The following CFH variants were observed in gnomAD, a reference collection of about 807,000 sequenced individuals.
The protein encoded by CFH is H factor 1 (complement).
A neutral mutation model predicts 147.3 loss-of-function variants in CFH; 53 were observed. The ratio of observed to expected loss-of-function variants is 0.36; its 90% CI spans 0.29 to 0.45. The LOEUF (loss-of-function observed/expected upper bound fraction) is 0.45, where lower values mean the gene tolerates loss of function less well. Ranked by LOEUF, CFH falls within the 20% of genes least tolerant of loss-of-function variation. CFH has a pLI of 1.00. For synonymous variants in CFH, 536 were observed against 489.4 expected, an observed-to-expected ratio of 1.10 and a Z score of -1.26; for missense variants, 1,380 against 1,498.0, an observed-to-expected ratio of 0.92 and a Z score of 1.30.
Position 196,690,194 on chromosome 1 carries a change from T to A in CFH, c.1291T>A (p.Cys431Ser), listed in dbSNP as rs121913056. Reference sequence around the variant, plus strand: ...TCCAAAAGCGCAGACCACAGTTACATGTATGGAGAATGGCTGGTCTCCTAC... The same window carrying A: ...TCCAAAAGCGCAGACCACAGTTACAAGTATGGAGAATGGCTGGTCTCCTAC... ...ALPKAQTTVT[C>S]MENGWSPTPR... The change falls in exon 9 of 22, where the codon TGT (cysteine) becomes AGT (serine). Residue 431 changes from cysteine to serine, a missense_variant. Transcript: ENST00000367429. The A allele has an allele frequency of 1.2e-6, 2 of 1,613,448 alleles. No homozygotes were observed. The highest frequency in any genetic ancestry group is 1.1e-5 in the South Asian group (1 of 91,084).
intron 9 of CFH, among the ~76,000 whole-genome samples, chr1:196,709,427 C>T (rs182546918): frequency 2.6e-4 from 40 of 152,172 alleles, no homozygotes; most frequent in Non-Finnish European, 3.7e-4. Context: ...TCCTGACTCT[C>T]TCTCTGTGCC....
At chr1:196,726,145 A>G (rs113327788) in intron 12 of CFH, among the ~76,000 whole-genome samples, 43 of 152,276 alleles carry the variant, frequency 2.8e-4, no homozygotes, top group African/African-American at 1.0e-3. Context: ...CTCAGTTATG[A>G]TATTTTTCCA....
intron 3 of CFH, 144 bp downstream of exon 3, chr1:196,674,106 A>T: frequency 1.6e-6 from 1 of 639,966 alleles, no homozygotes; most frequent in Non-Finnish European, 2.7e-6. Context: ...ACTATGATGG[A>T]AATAATTAAA....
In CFH at chr1:196,713,717, T is replaced by C; in HGVS notation, c.1337-18T>C. The stretch of plus-strand genomic sequence containing the variant: ...ATTGATCATATGCTTGTCTTTTTCT[T>C]ATTCTCTTCCCTTTTAGAAACATGT... On this transcript the variant is annotated intron_variant, in intron 9 of 21. Coordinates refer to ENST00000367429, the MANE Select transcript of CFH (RefSeq NM_000186.4). The C allele has an allele frequency of 4.7e-6, 7 of 1,495,134 alleles. No homozygotes were observed. The highest frequency in any genetic ancestry group is 6.5e-6 in the Non-Finnish European group (7 of 1,077,018). 92.6% of individuals were successfully genotyped at this position (1,495,134 alleles called of 1,614,324 possible).
intron 17 of CFH, among the ~76,000 whole-genome samples, chr1:196,739,216 T>C (rs1652713058): frequency 6.6e-6 from 1 of 152,330 alleles, no homozygotes; most frequent in South Asian, 2.1e-4. Flanking sequence ...CATGAAGGCC[T>C]CTGACATGCC....
intron 10 of CFH, among the ~76,000 whole-genome samples, chr1:196,714,627 G>GTA (rs3043115): frequency 3.5e-5 from 1 of 28,554 alleles, no homozygotes; most frequent in Non-Finnish European, 6.4e-5. Flanking sequence ...GTGTGTATAC[G>GTA]TATATATGTA....
At chr1:196,714,668 T>TATATATATATATAG (rs1362376856) in intron 10 of CFH, among the ~76,000 whole-genome samples, 1 of 21,312 alleles carries the variant, frequency 4.7e-5, no homozygotes, top group Non-Finnish European at 8.4e-5. Context: ...TATATATATA[T>TATATATATATATAG]AGAGAGAGAG....
chr1:196,737,664 A>T lies in CFH; in HGVS notation c.2782+4A>T. On this transcript the variant is annotated splice_donor_region_variant and intron_variant, in intron 17 of 21. Coordinates refer to ENST00000367429, the MANE Select transcript of CFH (RefSeq NM_000186.4). ...AGTTCTCCACCTCAGTGTGAAGGTT[A>T]GGCCAATATGAATACTCAATTTCTG... 1 of 1,612,010 alleles carries T rather than the reference A, an allele frequency of 6.2e-7. No homozygotes were observed. The highest frequency in any genetic ancestry group is 8.5e-7 in the Non-Finnish European group (1 of 1,178,374).
At chr1:196,724,349 C>G (rs1573063894) in intron 11 of CFH, among the ~76,000 whole-genome samples, 1 of 152,108 alleles carries the variant, frequency 6.6e-6, no homozygotes, top group South Asian at 2.1e-4. Context: ...TGAAACCTAC[C>G]ACTGCAGCTC....
chr1:196,688,747 A>G (rs1458326031), intron 7 of CFH, among the ~76,000 whole-genome samples: 3 of 152,066 alleles, frequency 2.0e-5, no homozygotes, highest in Non-Finnish European at 2.9e-5. Flanking sequence ...AGTAGCTGGA[A>G]TTACAGGGGC....
At chr1:196,722,580 G>A (rs1040956473) in intron 11 of CFH, among the ~76,000 whole-genome samples, 3 of 152,014 alleles carry the variant, frequency 2.0e-5, no homozygotes, top group African/African-American at 4.8e-5. Context: ...AGTTCATCTC[G>A]CAATGCATCT....
Position 196,673,165 on chromosome 1 carries a change from T to G in CFH, c.244+2T>G. ...TTAATCCATTAAGGAAATGTCAGAGTAAGTACTTAATACATTTGTGAAATT... is the reference window on the plus strand; with the variant it reads ...TTAATCCATTAAGGAAATGTCAGAGGAAGTACTTAATACATTTGTGAAATT... On this transcript the variant is annotated splice_donor_variant, in intron 2 of 21. Transcript: ENST00000367429. LOFTEE classifies it high-confidence loss of function. 6.2e-7 allele frequency: 1 copy of G among 1,610,840 alleles called. No individual in the cohort carries two copies. The highest frequency in any genetic ancestry group is 8.5e-7 in the Non-Finnish European group (1 of 1,177,416).
rs140107330 is a variant in CFH at position 196,679,773 on chromosome 1, G to A, written c.770G>A (p.Arg257His). Residue 257 changes from arginine (R) to histidine (H), a missense_variant, in exon 6 of 22, where the codon CGT (arginine) becomes CAT (histidine). Arg to His is a conservative substitution (Grantham distance 29, BLOSUM62 0). Transcript: ENST00000367429. ...GDAVCTESGW[R>H]PLPSCEEKSC... ...GCTGTATGCACTGAATCTGGATGGC[G>A]TCCGTTGCCTTCATGTGAAGGTAAT... 46 of 1,610,918 alleles carry A rather than the reference G, an allele frequency of 2.9e-5. No homozygotes were observed. Among genetic ancestry groups the A allele is most frequent in the East Asian group, 1.8e-4 (8 of 44,730 alleles).
chr1:196,658,280 C>G (rs1160092526), intron 1 of CFH, among the ~76,000 whole-genome samples: 1 of 151,986 alleles, frequency 6.6e-6, no homozygotes, highest in African/African-American at 2.4e-5. Flanking sequence ...CAGGGAATCA[C>G]TTTGTCACCC....
chr1:196,738,139 A>G (rs1652652144), intron 17 of CFH, among the ~76,000 whole-genome samples: 1 of 152,164 alleles, frequency 6.6e-6, no homozygotes, highest in Non-Finnish European at 1.5e-5. Flanking sequence ...TGAGAACAGA[A>G]GCATGGGGAT....
chr1:196,705,021 G>T (rs1439848778), intron 9 of CFH, among the ~76,000 whole-genome samples: 2 of 152,162 alleles, frequency 1.3e-5, no homozygotes, highest in Non-Finnish European at 2.9e-5. Flanking sequence ...CTAAATGATA[G>T]TATTGCTGGA....
intron 18 of CFH, 104 bp from the exon 19 acceptor site, chr1:196,741,771 T>C: frequency 9.9e-7 from 1 of 1,014,180 alleles, no homozygotes; most frequent in Non-Finnish European, 1.5e-6. Flanking sequence ...TGTTGTACAG[T>C]ATTCATTGAT....
At chr1:196,690,926 A>G (rs1415336482) in intron 9 of CFH, among the ~76,000 whole-genome samples, 1 of 152,166 alleles carries the variant, frequency 6.6e-6, no homozygotes, top group Non-Finnish European at 1.5e-5. Context: ...TGCACCTGCC[A>G]TATGAACATG....
At chr1:196,705,641 T>G (rs747438887) in intron 9 of CFH, among the ~76,000 whole-genome samples, 1 of 152,192 alleles carries the variant, frequency 6.6e-6, no homozygotes, top group Non-Finnish European at 1.5e-5. Flanking sequence ...GGGAATATCA[T>G]GAGGCCTGTA....
Sources: allele counts gnomAD v4.1 joint callset (sites outside exome capture counted in the v4.1 genomes callset), GRCh38; gene constraint gnomAD v4.1.1; transcripts MANE v1.5; gene names NCBI Gene and HGNC (gene_info 2026-07-23, HGNC 2026-07-21).